The following PPP1CA variants were observed in gnomAD, a reference collection of about 807,000 sequenced individuals.
The protein encoded by PPP1CA is protein phosphatase 1 catalytic subunit alpha, also known as serine/threonine-protein phosphatase PP1-alpha catalytic subunit.
In PPP1CA, 14 loss-of-function variants were observed where a neutral mutation model predicts 38.5. That is an observed-to-expected ratio of 0.36 (90% confidence interval 0.24 to 0.57). The LOEUF is 0.57. Ranked by LOEUF, PPP1CA falls within the 20% of genes least tolerant of loss-of-function variation. The probability of loss-of-function intolerance (pLI) is 0.80; values close to 1 mark genes in which losing one functional copy is unlikely to be tolerated. For missense variants in PPP1CA, 277 were observed against 435.2 expected (o/e 0.64, Z 3.23); for synonymous variants, 200 against 177.3 (o/e 1.13, Z -1.02).
At chr11:67,398,916 C>A (rs375320633) in intron 5 of PPP1CA, 24 bp downstream of exon 5, 1 of 1,612,522 alleles carries the variant, frequency 6.2e-7, no homozygotes, top group Non-Finnish European at 8.5e-7. Flanking sequence ...CTTCCCCTGC[C>A]GCAGGCCGGA....
chr11:67,401,339 T>C, intron 1 of PPP1CA, 140 bp from the exon 2 acceptor site: 1 of 1,419,206 alleles, frequency 7.0e-7, no homozygotes, highest in Admixed American at 2.1e-5. Context: ...CTGCTGAGCC[T>C]CCCGGGACCG....
rs1289924775 is a variant in PPP1CA at position 67,398,752 on chromosome 11, A to G, written c.852T>C (p.Ser284=). Residue 284 remains serine (S), a synonymous_variant, in exon 6 of 7, where the codon AGT becomes AGC. Coordinates refer to ENST00000376745, the MANE Select transcript of PPP1CA (RefSeq NM_002708.4). The part of the protein sequence containing the change: ...GEFDNAGAMM[S]VDETLMCSFQ... ...AAGAGCACATGAGGGTCTCGTCCAC[A>G]CTCATCATGGCGCCAGCATTGTCAA... The G allele has an allele frequency of 6.2e-7, 1 of 1,613,650 alleles. No homozygotes were observed. The highest frequency in any genetic ancestry group is 8.5e-7 in the Non-Finnish European group (1 of 1,179,970).
rs1468054529 is a variant in PPP1CA, at chr11:67,398,365, G to T, written c.*170C>A. ...GGTGCAGGCAGGAAGCAGCCCTGGG[G>T]GACTGGACGCTGCTATTGATTCATT... is the stretch of plus-strand genomic sequence containing the variant. On this transcript the variant is annotated 3_prime_UTR_variant, in exon 7 of 7. Transcript: ENST00000376745. The T allele has an allele frequency of 4.4e-6, 3 of 687,204 alleles. No homozygotes were observed. Among genetic ancestry groups the T allele is most frequent in the South Asian group, 1.9e-5 (1 of 51,858 alleles). The allele number at this position is 687,204 out of a possible 1,614,324, so 42.6% of individuals were successfully genotyped here. A position where few individuals can be genotyped will look rare whatever the true frequency, so the allele number is the denominator to read the frequency against.
At position 67,401,145 on chromosome 11, in the gene PPP1CA, C is replaced by T. The variant is rs748334344; in HGVS notation, c.110G>A (p.Gly37Asp). The T allele has an allele frequency of 6.2e-7, 1 of 1,614,016 alleles. No homozygotes were observed. Among genetic ancestry groups the T allele is most frequent in the South Asian group, 1.1e-5 (1 of 91,088 alleles). The change falls in exon 2 of 7, where the codon GGT (glycine) becomes GAT (aspartate). Residue 37 changes from glycine to aspartate, a missense_variant. This residue lies in a region of PPP1CA where 180 missense variants were observed against 356.7 expected (regional missense o/e 0.50). Coordinates refer to ENST00000376745, the MANE Select transcript of PPP1CA (RefSeq NM_002708.4). ...AATCTCCCGGGATTTCAGGCACAGA[C>T]CGCGGATCTCGTTCTCTGTCAGCTG... ...NVQLTENEIRGLCLKSREIFL... is the reference protein window; with the variant it reads ...NVQLTENEIRDLCLKSREIFL...
rs759063176 is a variant in PPP1CA at position 67,401,190 on chromosome 11, G to A, written c.65C>T (p.Ser22Leu). ...IIGRLLEVQG[S>L]RPGKNVQLTE... ...CAGCTGTACATTCTTGCCAGGCCGC[G>A]AGCCCTGCACTGGGGCGCAATGGGG... The change falls in exon 2 of 7, where the codon TCG becomes TTG. Residue 22 changes from serine to leucine, a missense_variant. Around this residue, in one of 3 missense-constraint regions of PPP1CA, gnomAD observed 44 missense variants for 27.4 expected, o/e 1.60. Coordinates refer to ENST00000376745, the MANE Select transcript of PPP1CA (RefSeq NM_002708.4). 6.2e-7 allele frequency: 1 copy of A among 1,613,838 alleles called. No individual in the cohort carries two copies. Among genetic ancestry groups the A allele is most frequent in the Non-Finnish European group, 8.5e-7 (1 of 1,179,988 alleles).
Position 67,401,112 on chromosome 11 carries a change from C to T in PPP1CA, c.143G>A (p.Ser48Asn). Residue 48 changes from serine (S) to asparagine (N), a missense_variant, in exon 2 of 7, where the codon AGC (serine) becomes AAC (asparagine). Physicochemically the swap from Ser to Asn is conservative, Grantham distance 46. This residue lies in a region of PPP1CA where 180 missense variants were observed against 356.7 expected (regional missense o/e 0.50). Coordinates refer to ENST00000376745, the MANE Select transcript of PPP1CA (RefSeq NM_002708.4). Reference protein sequence around the residue: ...LCLKSREIFLSQPILLELEAP... With the variant: ...LCLKSREIFLNQPILLELEAP... ...CTCCAGCTCCAGAAGAATGGGCTGG[C>T]TCAGAAAAATCTCCCGGGATTTCAG... 6.2e-7 allele frequency: 1 copy of T among 1,613,950 alleles called. No homozygotes were observed. Among genetic ancestry groups the T allele is most frequent in the African/African-American group, 1.3e-5 (1 of 75,040 alleles).
chr11:67,400,137 C>CA (rs1306739517), intron 3 of PPP1CA, among the ~76,000 whole-genome samples: 1 of 152,184 alleles, frequency 6.6e-6, no homozygotes, highest in Non-Finnish European at 1.5e-5. Flanking sequence ...AACTCCGTCT[C>CA]AAAAAAGTAA....
chr11:67,401,137 G>C lies in PPP1CA; in HGVS notation c.118C>G (p.Leu40Val). 2 of 1,613,996 alleles carry C rather than the reference G, an allele frequency of 1.2e-6. No individual in the cohort carries two copies. The change falls in exon 2 of 7, where the codon CTG becomes GTG. Residue 40 changes from leucine (L) to valine (V), a missense_variant. By Grantham distance (32) the Leu-to-Val change is conservative (BLOSUM62 1). Transcript: ENST00000376745. Reference sequence around the variant, plus strand: ...CTCAGAAAAATCTCCCGGGATTTCAGGCACAGACCGCGGATCTCGTTCTCT... The same window carrying C: ...CTCAGAAAAATCTCCCGGGATTTCACGCACAGACCGCGGATCTCGTTCTCT... ...LTENEIRGLC[L>V]KSREIFLSQP...
chr11:67,400,512 C>T (rs562532476), intron 3 of PPP1CA, among the ~76,000 whole-genome samples, 177 bp downstream of exon 3: 65 of 152,360 alleles, frequency 4.3e-4, no homozygotes, highest in African/African-American at 1.4e-3. Flanking sequence ...AGCAACCATT[C>T]CCCAGACCCC....
chr11:67,398,683 G>A, intron 6 of PPP1CA, 38 bp from the exon 7 acceptor site: 1 of 1,613,290 alleles, frequency 6.2e-7, no homozygotes, highest in East Asian at 2.2e-5. Flanking sequence ...ATGGGGCTGA[G>A]CCACAGGGCC....
Position 67,400,723 on chromosome 11 carries a change from G to A in PPP1CA, c.384C>T (p.Ala128=), listed in dbSNP as rs1488111780. Residue 128 remains alanine, a synonymous_variant, in exon 3 of 7, where the codon GCC becomes GCT. Coordinates refer to ENST00000376745, the MANE Select transcript of PPP1CA (RefSeq NM_002708.4). ...FFLLRGNHEC[A]SINRIYGFYD... ...AGAAACCATAGATGCGGTTGATGCT[G>A]GCACACTCGTGGTTCCCACGGAGCA... The A allele has an allele frequency of 1.9e-6, 3 of 1,613,838 alleles. No homozygotes were observed. The highest frequency in any genetic ancestry group is 3.3e-5 in the Admixed American group (2 of 60,004).
At position 67,398,192 on chromosome 11, in the gene PPP1CA, G is replaced by A. The variant is rs1214853278; in HGVS notation, c.*343C>T. ...AGACGGAGGCCATGGCGAGAATCCA[G>A]CTTTGACCTTTATTCAAGAGACCAG... On this transcript the variant is annotated 3_prime_UTR_variant, in exon 7 of 7. Coordinates refer to ENST00000376745, the MANE Select transcript of PPP1CA (RefSeq NM_002708.4). The A allele has an allele frequency of 6.0e-6, 2 of 335,154 alleles. No homozygotes were observed. The highest frequency in any genetic ancestry group is 4.2e-5 in the African/African-American group (2 of 47,404). The allele number at this position is 335,154 out of a possible 1,614,324, so 20.8% of individuals were successfully genotyped here.
Position 67,400,891 on chromosome 11 carries a change from A to G in PPP1CA, c.216T>C (p.Leu72=), listed in dbSNP as rs1590937446. 6.2e-7 allele frequency: 1 copy of G among 1,614,142 alleles called. No homozygotes were observed. The highest frequency in any genetic ancestry group is 1.3e-5 in the African/African-American group (1 of 75,070). ...CGDIHGQYYD[L]LRLFEYGGFP... is the part of the protein sequence containing the mutation. ...AACCGCCATACTCAAATAGTCGCAG[A>G]AGGTCGTAGTACTGGCCGTGTATGT... is the stretch of plus-strand genomic sequence containing the variant. The change falls in exon 3 of 7, where the codon CTT becomes CTC. Residue 72 remains leucine (L), a synonymous_variant. Transcript: ENST00000376745.
At chr11:67,401,249 G>A in intron 1 of PPP1CA, 50 bp from the exon 2 acceptor site, 1 of 1,606,554 alleles carries the variant, frequency 6.2e-7, no homozygotes, top group South Asian at 1.1e-5. Context: ...GGAGGAGGGT[G>A]GGCGACACGG....
rs762882878 is a variant in PPP1CA, at chr11:67,401,820, G to C, written c.-38C>G. The C allele has an allele frequency of 2.6e-5, 36 of 1,386,472 alleles. No homozygotes were observed. The highest frequency in any genetic ancestry group is 3.2e-5 in the Non-Finnish European group (34 of 1,058,342). 85.9% of individuals were successfully genotyped at this position (1,386,472 alleles called of 1,614,324 possible). A position where few individuals can be genotyped will look rare whatever the true frequency, so the allele number is the denominator to read the frequency against. ...GCTCCAGCCCAGCAGCTCCTGGCCC[G>C]CTCCTGCCTCCCGCCCTCCGGCAGC... On this transcript the variant is annotated 5_prime_UTR_variant, in exon 1 of 7. Coordinates refer to ENST00000376745, the MANE Select transcript of PPP1CA (RefSeq NM_002708.4).
In PPP1CA at chr11:67,401,318, G is replaced by A; in HGVS notation, c.56-119C>T. ...CCTCCTCGGCCCCTCCTTGCCCACA[G>A]GCAGCTGTTGCTGCTGAGCCTCCCG... On this transcript the variant is annotated intron_variant, in intron 1 of 6. Coordinates refer to ENST00000376745, the MANE Select transcript of PPP1CA (RefSeq NM_002708.4). 2.0e-6 allele frequency: 3 copies of A among 1,520,638 alleles called. No homozygotes were observed. The South Asian group carries it at 3.5e-5, about 18-fold the overall frequency. 94.2% of individuals were successfully genotyped at this position (1,520,638 alleles called of 1,614,324 possible). A position where few individuals can be genotyped will look rare whatever the true frequency, so the allele number is the denominator to read the frequency against.
At chr11:67,398,897 G>C in intron 5 of PPP1CA, 41 bp from the exon 6 acceptor site, 1 of 1,611,698 alleles carries the variant, frequency 6.2e-7, no homozygotes, top group Non-Finnish European at 8.5e-7. Context: ...GCGCAGGCAC[G>C]GCCCTCCCCT....
At chr11:67,399,806 A>G in intron 3 of PPP1CA, 141 bp from the exon 4 acceptor site, 1 of 659,530 alleles carries the variant, frequency 1.5e-6, no homozygotes, top group Non-Finnish European at 2.7e-6. Flanking sequence ...TCAGCCTTCC[A>G]GGAGCAATTC....
At chr11:67,401,316 C>A in intron 1 of PPP1CA, 117 bp from the exon 2 acceptor site, 1 of 1,528,094 alleles carries the variant, frequency 6.5e-7, no homozygotes, top group Non-Finnish European at 8.9e-7. Context: ...TCCTTGCCCA[C>A]AGGCAGCTGT....
Sources: gnomAD v4.1 joint callset for allele counts (sites outside exome capture counted in the v4.1 genomes callset) on GRCh38, gnomAD v4.1.1 for gene constraint, gnomAD v4.1.1 regional missense constraint, MANE v1.5 for transcripts, NCBI Gene and HGNC (gene_info 2026-07-23, HGNC 2026-07-21) for gene names.